The following PDE1A variants were observed in gnomAD, a reference collection of about 807,000 sequenced individuals.
PDE1A encodes dual specificity calcium/calmodulin-dependent 3',5'-cyclic nucleotide phosphodiesterase 1A.
In PDE1A, 35 loss-of-function variants were observed where a neutral mutation model predicts 61.7. The ratio of observed to expected loss-of-function variants is 0.57; its 90% CI spans 0.43 to 0.75. The LOEUF is 0.75. Among genes scored for constraint, PDE1A ranks in the 30% least tolerant of loss-of-function variants. The probability of loss-of-function intolerance (pLI) is 0.00; values close to 1 mark genes in which losing one functional copy is unlikely to be tolerated. For synonymous variants in PDE1A, 232 were observed against 213.2 expected, an observed-to-expected ratio of 1.09 and a Z score of -0.77; for missense variants, 597 against 630.6, an observed-to-expected ratio of 0.95 and a Z score of 0.57.
chr2:182,679,194 T>A, the PDE1A span, among the ~76,000 whole-genome samples: 11,212 of 146,340 alleles, frequency 0.077, 482 homozygotes, highest in East Asian at 0.16. Context: ...TATTATTATT[T>A]TTTTTTTGAC....
chr2:182,261,586 C>T (rs1692222231), intron 2 of PDE1A, among the ~76,000 whole-genome samples: 1 of 152,050 alleles, frequency 6.6e-6, no homozygotes, highest in Non-Finnish European at 1.5e-5. Context: ...TGAATTTCTA[C>T]CACGAAGCAG....
intron 2 of PDE1A, among the ~76,000 whole-genome samples, chr2:182,515,816 C>T (rs1324957967): frequency 4.6e-5 from 7 of 152,030 alleles, no homozygotes; most frequent in African/African-American, 1.7e-4. Flanking sequence ...GGTGAGGAAA[C>T]TGGTGTTTTG....
intron 1 of PDE1A, among the ~76,000 whole-genome samples, chr2:182,265,272 T>A (rs1049501707): frequency 6.6e-6 from 1 of 151,430 alleles, no homozygotes; most frequent in African/African-American, 2.4e-5. Flanking sequence ...AATAAAAAAT[T>A]AAGAAATAAA....
At chr2:182,152,220 G>A (rs995187824) in intron 13 of PDE1A, among the ~76,000 whole-genome samples, 3 of 151,990 alleles carry the variant, frequency 2.0e-5, no homozygotes, top group Non-Finnish European at 2.9e-5. Flanking sequence ...TATAGTTTAT[G>A]TTGCAGATAA....
At chr2:182,617,019 C>T in the PDE1A span, among the ~76,000 whole-genome samples, 1 of 152,150 alleles carries the variant, frequency 6.6e-6, no homozygotes, top group Non-Finnish European at 1.5e-5. Context: ...ATTAATCTTG[C>T]CCAAACAGAG....
chr2:182,555,753 G>A, the PDE1A span, among the ~76,000 whole-genome samples: 6 of 151,840 alleles, frequency 4.0e-5, no homozygotes, highest in Admixed American at 6.6e-5. Context: ...ATCACCTGAG[G>A]TCAGGAGTTG....
At chr2:182,537,083 T>C in the PDE1A span, among the ~76,000 whole-genome samples, 1 of 152,224 alleles carries the variant, frequency 6.6e-6, no homozygotes, top group East Asian at 1.9e-4. Flanking sequence ...CATTTTCAAA[T>C]TCCTGACCTC....
the PDE1A span, among the ~76,000 whole-genome samples, chr2:182,589,265 GAGGGAGGA>G: frequency 1.5e-5 from 1 of 66,674 alleles, no homozygotes; most frequent in Admixed American, 1.8e-4. Context: ...GGAAGGGAGG[GAGGGAGGA>G]AGGAAGGAAG....
At chr2:182,309,088 CT>C (rs1275184957) in intron 1 of PDE1A, among the ~76,000 whole-genome samples, 1 of 150,894 alleles carries the variant, frequency 6.6e-6, no homozygotes, top group African/African-American at 2.4e-5. Context: ...GCAAATTAAC[CT>C]AAGAAGAGCT....
At chr2:182,644,291 G>GTGTGTC in the PDE1A span, among the ~76,000 whole-genome samples, 12 of 148,740 alleles carry the variant, frequency 8.1e-5, no homozygotes, top group East Asian at 2.0e-4. Flanking sequence ...GTGTGTGTGT[G>GTGTGTC]TGTGTGTGTC....
the PDE1A span, among the ~76,000 whole-genome samples, chr2:182,558,719 G>C: frequency 6.6e-6 from 1 of 152,184 alleles, no homozygotes; most frequent in African/African-American, 2.4e-5. Flanking sequence ...CAAAGGATTT[G>C]CAAAAATAAT....
intron 10 of PDE1A, among the ~76,000 whole-genome samples, chr2:182,191,341 CA>C (rs1029087877): frequency 4.0e-5 from 6 of 151,868 alleles, no homozygotes; most frequent in African/African-American, 1.5e-4. Context: ...TGGTTTCTAA[CA>C]TGTTGAGGAT....
chr2:182,274,723 T>G (rs1018712181), intron 1 of PDE1A, among the ~76,000 whole-genome samples: 3 of 152,114 alleles, frequency 2.0e-5, no homozygotes, highest in African/African-American at 7.2e-5. Flanking sequence ...CATGTATGTA[T>G]GAATACCTAA....
At position 182,342,929 on chromosome 2, in the gene PDE1A, C is replaced by T. The variant is rs1267243595; in HGVS notation, c.54-78515G>A. Among the ~76,000 whole-genome samples, 4 of 152,100 alleles carry T rather than the reference C, an allele frequency of 2.6e-5. No individual in the cohort carries two copies. The East Asian group carries it at 5.8e-4, about 22-fold the overall frequency. ...AGACACTTTCTCTGTCCCTTAGACT[C>T]CTATGCAGGATAAGGTGAATATACA... On this transcript the variant is annotated intron_variant, in intron 1 of 13. Transcript: ENST00000351439.
At chr2:182,336,259 C>T (rs1310937971) in intron 1 of PDE1A, among the ~76,000 whole-genome samples, 1 of 152,168 alleles carries the variant, frequency 6.6e-6, no homozygotes, top group Non-Finnish European at 1.5e-5. Context: ...CCAGCAATCC[C>T]TTTACTGGGT....
chr2:182,688,409 G>T, the PDE1A span, among the ~76,000 whole-genome samples: 780 of 152,200 alleles, frequency 5.1e-3, 11 homozygotes, highest in African/African-American at 0.018. Context: ...CAACCCAGAA[G>T]TTCATATCCA....
the PDE1A span, among the ~76,000 whole-genome samples, chr2:182,577,042 A>G: frequency 2.6e-5 from 4 of 152,104 alleles, no homozygotes; most frequent in African/African-American, 9.7e-5. Flanking sequence ...TGCTTTCTCT[A>G]TTGATTGTAT....
At chr2:182,562,323 T>C in the PDE1A span, among the ~76,000 whole-genome samples, 2 of 150,238 alleles carry the variant, frequency 1.3e-5, no homozygotes, top group African/African-American at 4.8e-5. Flanking sequence ...CATGTGGTTT[T>C]TGTCTTTGGT....
intron 10 of PDE1A, among the ~76,000 whole-genome samples, chr2:182,198,338 A>T (rs887711658): frequency 6.6e-6 from 1 of 151,814 alleles, no homozygotes; most frequent in Non-Finnish European, 1.5e-5. Flanking sequence ...ATTTATTTTT[A>T]TTCAAACTAT....
Sources: gnomAD v4.1 joint callset for allele counts (sites outside exome capture counted in the v4.1 genomes callset) on GRCh38, gnomAD v4.1.1 for gene constraint, MANE v1.5 for transcripts, NCBI Gene and HGNC (gene_info 2026-07-23, HGNC 2026-07-21) for gene names.